Variants in TYW1 observed in about 807,000 individuals in gnomAD.
TYW1 encodes the protein S-adenosyl-L-methionine-dependent tRNA 4-demethylwyosine synthase TYW1.
A neutral mutation model predicts 96.2 loss-of-function variants in TYW1; 46 were observed. The observed-to-expected ratio is 0.48, with a 90% CI of 0.38 to 0.61. The LOEUF (loss-of-function observed/expected upper bound fraction) is 0.61, where lower values mean the gene tolerates loss of function less well. TYW1 is among the 20% of genes least tolerant of loss of function. The pLI, the probability that TYW1 is intolerant of heterozygous loss-of-function variation, is 0.00. For missense variants in TYW1, 684 were observed against 909.6 expected (o/e 0.75, Z 3.19); for synonymous variants, 274 against 323.0 (o/e 0.85, Z 1.63).
At chr7:67,029,414 T>TATACATATATATATATATAC (rs1562973615) in intron 7 of TYW1, among the ~76,000 whole-genome samples, 3 of 138,370 alleles carry the variant, frequency 2.2e-5, no homozygotes, top group Non-Finnish European at 3.1e-5. Flanking sequence ...TGTGTGTGTG[T>TATACATATATATATATATAC]GTATATATAT....
intron 15 of TYW1, among the ~76,000 whole-genome samples, chr7:67,237,479 T>G (rs1321376729): frequency 7.2e-6 from 1 of 138,232 alleles, no homozygotes. Context: ...CAGCCTGGGC[T>G]ACAGAGTGAG....
At position 67,184,652 on chromosome 7, in the gene TYW1, TG is replaced by T. The variant is rs1341967255; in HGVS notation, c.1809+1417del. Reference sequence around the variant, plus strand: ...ATTTTATTTTATTTTATTTTATTTATGTTATGTTATGTTATGTTATGTTATG... The same window carrying T: ...ATTTTATTTTATTTTATTTTATTTATTTATGTTATGTTATGTTATGTTATG... On this transcript the variant is annotated intron_variant, in intron 14 of 15. Transcript: ENST00000359626. 7.1e-3 allele frequency among the ~76,000 whole-genome samples: 219 copies of T among 30,902 alleles called. 1 individual carries two copies. Among genetic ancestry groups the T allele is most frequent in the African/African-American group, 0.024 (124 of 5,220 alleles). 20.3% of individuals were successfully genotyped at this position (30,902 alleles called of 152,430 possible).
chr7:67,130,960 T>C (rs1362924560), intron 13 of TYW1, among the ~76,000 whole-genome samples: 2 of 152,198 alleles, frequency 1.3e-5, no homozygotes, highest in African/African-American at 4.8e-5. Flanking sequence ...ATGTGTGTTA[T>C]GCCTTTTTGT....
chr7:67,069,528 CA>C (rs1381378976), intron 10 of TYW1, among the ~76,000 whole-genome samples: 1 of 152,152 alleles, frequency 6.6e-6, no homozygotes, highest in African/African-American at 2.4e-5. Flanking sequence ...CATTTGAGCC[CA>C]GGGGTTCAAG....
At chr7:67,230,829 G>T (rs534872295) in intron 15 of TYW1, among the ~76,000 whole-genome samples, 88 of 151,614 alleles carry the variant, frequency 5.8e-4, no homozygotes, top group African/African-American at 2.0e-3. Context: ...TAGTAGAGGC[G>T]GGGTTTCACC....
chr7:67,120,454 G>A (rs1167794706), intron 13 of TYW1, among the ~76,000 whole-genome samples: 3 of 152,180 alleles, frequency 2.0e-5, no homozygotes, highest in African/African-American at 7.2e-5. Context: ...TTTACCAGTT[G>A]TCCAGCTGAT....
At chr7:67,043,192 A>G (rs181328057) in intron 7 of TYW1, among the ~76,000 whole-genome samples, 2 of 152,250 alleles carry the variant, frequency 1.3e-5, no homozygotes, top group African/African-American at 4.8e-5. Flanking sequence ...CCTGGACTCC[A>G]TCTGTCTGTG....
intron 14 of TYW1, among the ~76,000 whole-genome samples, chr7:67,190,472 C>A (rs1291888593): frequency 6.6e-6 from 1 of 152,216 alleles, no homozygotes; most frequent in Non-Finnish European, 1.5e-5. Flanking sequence ...TACCTGGTAA[C>A]AGATAACTGC....
At chr7:67,104,783 A>G (rs1278763966) in intron 12 of TYW1, among the ~76,000 whole-genome samples, 4 of 152,244 alleles carry the variant, frequency 2.6e-5, no homozygotes, top group Non-Finnish European at 5.9e-5. Context: ...AACACACTTC[A>G]TGTTAATAGG....
rs1323461907 is a variant in TYW1 at position 67,054,244 on chromosome 7, A to G, written c.1103-1591A>G. 5.3e-5 allele frequency among the ~76,000 whole-genome samples: 8 copies of G among 151,676 alleles called. No individual in the cohort carries two copies. The South Asian group carries it at 1.0e-3, about 20-fold the overall frequency. ...GTTGGCTTATATTTGTGCTGTGGTCAACTACAGATCTCTTCATTCTGTAAT... is the reference window on the plus strand; with the variant it reads ...GTTGGCTTATATTTGTGCTGTGGTCGACTACAGATCTCTTCATTCTGTAAT... On this transcript the variant is annotated intron_variant, in intron 8 of 15. Coordinates refer to ENST00000359626, the MANE Select transcript of TYW1 (RefSeq NM_018264.4).
At chr7:67,191,552 G>C (rs1800218803) in intron 14 of TYW1, among the ~76,000 whole-genome samples, 1 of 143,936 alleles carries the variant, frequency 6.9e-6, no homozygotes, top group South Asian at 2.2e-4. Flanking sequence ...GGAGTTGGGG[G>C]TGAGGGTGAG....
intron 7 of TYW1, among the ~76,000 whole-genome samples, chr7:67,026,950 C>T (rs1794471411): frequency 6.6e-6 from 1 of 152,022 alleles, no homozygotes; most frequent in African/African-American, 2.4e-5. Flanking sequence ...AATCCCAGCA[C>T]TTTGGGAGGC....
chr7:67,185,584 A>T (rs1799992886), intron 14 of TYW1, among the ~76,000 whole-genome samples: 1 of 152,204 alleles, frequency 6.6e-6, no homozygotes, highest in African/African-American at 2.4e-5. Context: ...GTTTGCTGAG[A>T]TACAGGAAAC....
rs187331831 is a variant in TYW1, at chr7:67,191,829, G to A, written c.1810-3341G>A. 1.5e-3 allele frequency among the ~76,000 whole-genome samples: 235 copies of A among 152,022 alleles called. 2 individuals carry two copies. Among genetic ancestry groups the A allele is most frequent in the African/African-American group, 5.5e-3 (226 of 41,430 alleles). On this transcript the variant is annotated intron_variant, in intron 14 of 15. Transcript: ENST00000359626. ...GTCACGGTGCAGCCTCTGGCTCTGC[G>A]GTTGACTCAGGAAGTTACCCAGGAC... is the stretch of plus-strand genomic sequence containing the variant.
intron 13 of TYW1, among the ~76,000 whole-genome samples, chr7:67,134,549 A>AT (rs1356418358): frequency 6.6e-6 from 1 of 151,936 alleles, no homozygotes; most frequent in African/African-American, 2.4e-5. Context: ...CTCAAAAAAA[A>AT]AAAAGATAAA....
At chr7:67,151,258 A>G (rs557729094) in intron 13 of TYW1, among the ~76,000 whole-genome samples, 9 of 152,158 alleles carry the variant, frequency 5.9e-5, no homozygotes, top group African/African-American at 2.2e-4. Flanking sequence ...CATGTTGGCC[A>G]GGCTGGTCTT....
chr7:67,039,316 G>A (rs1794940310), intron 7 of TYW1, among the ~76,000 whole-genome samples: 1 of 151,980 alleles, frequency 6.6e-6, no homozygotes. Flanking sequence ...ATATTAGCCA[G>A]GTGTGGTGGC....
intron 13 of TYW1, among the ~76,000 whole-genome samples, chr7:67,144,937 A>C (rs1798559878): frequency 6.6e-6 from 1 of 151,574 alleles, no homozygotes; most frequent in Admixed American, 6.6e-5. Context: ...CTCCAAATAC[A>C]ATCAGTCGAT....
intron 9 of TYW1, among the ~76,000 whole-genome samples, chr7:67,063,418 A>G (rs1795756521): frequency 6.6e-6 from 1 of 152,224 alleles, no homozygotes; most frequent in Non-Finnish European, 1.5e-5. Context: ...TGTAAATTCT[A>G]GCCACTGGAA....
Sources: allele counts gnomAD v4.1 joint callset (sites outside exome capture counted in the v4.1 genomes callset), GRCh38; gene constraint gnomAD v4.1.1; transcripts MANE v1.5; gene names NCBI Gene and HGNC (gene_info 2026-07-23, HGNC 2026-07-21).